COBLL1: variants seen among roughly 807,000 people sequenced by gnomAD.
The protein encoded by COBLL1 is cordon-bleu WH2 repeat protein like 1, also known as cordon-bleu protein-like 1.
COBLL1 carries 50 observed loss-of-function variants against 94.8 expected under a neutral mutation model. That is an observed-to-expected ratio of 0.53 (90% CI 0.42 to 0.67). The LOEUF (loss-of-function observed/expected upper bound fraction) is 0.67, where lower values mean the gene tolerates loss of function less well. Among genes scored for constraint, COBLL1 ranks in the 30% least tolerant of loss-of-function variants. COBLL1 has a pLI of 0.00. For synonymous variants in COBLL1, 448 were observed against 473.8 expected (o/e 0.95, Z 0.71); for missense variants, 1,362 against 1,348.7 (o/e 1.01, Z -0.15).
chr2:164,691,018 T>C (rs1194451595), intron 13 of COBLL1, among the ~76,000 whole-genome samples: 1 of 152,180 alleles, frequency 6.6e-6, no homozygotes, highest in East Asian at 1.9e-4. Context: ...GCCTGGCACC[T>C]AAAATCAGAC....
At chr2:164,676,358 G>A (rs993901994), downstream of COBLL1, among the ~76,000 whole-genome samples, 3 of 152,106 alleles carry the variant, frequency 2.0e-5, no homozygotes, top group Admixed American at 2.0e-4. Flanking sequence ...TCTTGTAGAT[G>A]TAGCTAAAAC....
intron 2 of COBLL1, among the ~76,000 whole-genome samples, chr2:164,818,626 TG>T (rs1175123326): frequency 6.9e-6 from 1 of 144,872 alleles, no homozygotes; most frequent in Non-Finnish European, 1.5e-5. Context: ...TACACATATA[TG>T]GCGTATATGT....
intron 3 of COBLL1, among the ~76,000 whole-genome samples, chr2:164,731,552 C>G (rs75506344): frequency 0.025 from 3,761 of 152,282 alleles, 64 homozygotes; most frequent in East Asian, 0.049. Flanking sequence ...CCCCAAATGT[C>G]AGGTGATCCT....
intron 9 of COBLL1, among the ~76,000 whole-genome samples, chr2:164,701,922 G>A (rs1187619713): frequency 2.0e-5 from 3 of 151,698 alleles, no homozygotes; most frequent in African/African-American, 2.4e-5. Flanking sequence ...GGGAGGTGGT[G>A]TAGCATCCAA....
intron 2 of COBLL1, among the ~76,000 whole-genome samples, chr2:164,789,020 A>AACACACACACACACACAC (rs56773751): frequency 0.017 from 2,398 of 141,568 alleles, 39 homozygotes; most frequent in Non-Finnish European, 0.026. Context: ...TAGAGGTTTA[A>AACACACACACACACACAC]ACACACACAC....
At chr2:164,692,621 A>G (rs1055945803) in intron 12 of COBLL1, 1 of 410,968 alleles carries the variant, frequency 2.4e-6, no homozygotes. Flanking sequence ...CAAAGAAGAA[A>G]AGTGGTACCA....
chr2:164,824,758 A>G (rs930844168), intron 2 of COBLL1, among the ~76,000 whole-genome samples: 8 of 152,192 alleles, frequency 5.3e-5, no homozygotes, highest in African/African-American at 1.9e-4. Context: ...ATTTTTCTTT[A>G]CATGTTCCTA....
At chr2:164,823,254 T>C (rs190211166) in intron 2 of COBLL1, among the ~76,000 whole-genome samples, 8 of 152,334 alleles carry the variant, frequency 5.3e-5, no homozygotes, top group Admixed American at 2.6e-4. Flanking sequence ...TTCAATACAA[T>C]TGGCTGCTAG....
intron 2 of COBLL1, among the ~76,000 whole-genome samples, chr2:164,817,672 G>A (rs1437691891): frequency 6.7e-6 from 1 of 148,574 alleles, no homozygotes; most frequent in Non-Finnish European, 1.5e-5. Context: ...CACTGAATGA[G>A]TTCCTACAGT....
Position 164,787,002 on chromosome 2 carries a change from T to C in COBLL1, c.42-43127A>G, listed in dbSNP as rs532457954. The stretch of plus-strand genomic sequence containing the variant: ...TTCCTGAAGCCCTTCTGCACTAATG[T>C]ATGACTGTAGTTCATTAACAACCAT... On this transcript the variant is annotated intron_variant, in intron 2 of 13. Coordinates refer to ENST00000652658, the MANE Select transcript of COBLL1 (RefSeq NM_001365672.2). Among the ~76,000 whole-genome samples, 15 of 152,276 alleles carry C rather than the reference T, an allele frequency of 9.9e-5. No individual in the cohort carries two copies. The East Asian group carries it at 1.5e-3, about 16-fold the overall frequency.
chr2:164,700,485 T>A, intron 10 of COBLL1, 37 bp downstream of exon 10: 2 of 1,311,644 alleles, frequency 1.5e-6, no homozygotes, highest in South Asian at 2.5e-5. Flanking sequence ...TTAATTAAAC[T>A]AACGGCCACC....
At chr2:164,725,004 C>A (rs1429476748) in intron 5 of COBLL1, 2 of 150,568 alleles carry the variant, frequency 1.3e-5, no homozygotes, top group Non-Finnish European at 3.0e-5. Flanking sequence ...TTTTTGCATG[C>A]CTAAATGTTT....
chr2:164,817,441 TAAAC>T (rs1057390235), intron 2 of COBLL1, among the ~76,000 whole-genome samples: 1 of 149,796 alleles, frequency 6.7e-6, no homozygotes, highest in Non-Finnish European at 1.5e-5. Context: ...AGATAAATAT[TAAAC>T]AAAACCCTCT....
intron 2 of COBLL1, among the ~76,000 whole-genome samples, chr2:164,770,152 C>T (rs1374981896): frequency 6.6e-6 from 1 of 152,134 alleles, no homozygotes; most frequent in African/African-American, 2.4e-5. Flanking sequence ...TAGTAAACTG[C>T]AGCCCTAGGT....
chr2:164,781,769 G>A (rs1347590685), intron 2 of COBLL1, among the ~76,000 whole-genome samples: 1 of 152,118 alleles, frequency 6.6e-6, no homozygotes, highest in Non-Finnish European at 1.5e-5. Context: ...GGCTTTATCT[G>A]TGAAGGTGCT....
intron 2 of COBLL1, among the ~76,000 whole-genome samples, chr2:164,747,711 G>A (rs113238768): frequency 0.075 from 11,440 of 152,120 alleles, 584 homozygotes; most frequent in Non-Finnish European, 0.11. Context: ...CCTGACTTAA[G>A]CAATCCTCCC....
intron 2 of COBLL1, among the ~76,000 whole-genome samples, chr2:164,781,942 T>G (rs527573646): frequency 1.3e-5 from 2 of 152,320 alleles, no homozygotes; most frequent in African/African-American, 4.8e-5. Flanking sequence ...AATGTGTTGT[T>G]GAATTTTTTA....
Position 164,662,991 on chromosome 2 carries a change from G to C in COBLL1, n.181+2856C>G, listed in dbSNP as rs72876705. Among the ~76,000 whole-genome samples the C allele has an allele frequency of 6.4e-3, 981 of 152,246 alleles. 4 individuals are homozygous for C. Among genetic ancestry groups the C allele is most frequent in the Non-Finnish European group, 0.011 (719 of 68,012 alleles). On this transcript the variant is annotated intron_variant and non_coding_transcript_variant, in intron 2 of 2. Coordinates refer to the COBLL1 transcript ENST00000495084. Reference sequence around the variant, plus strand: ...AGCAATGCAAGAACAGCCTAATACAGTCAGTATAATATCATGGCAACATCC... The same window carrying C: ...AGCAATGCAAGAACAGCCTAATACACTCAGTATAATATCATGGCAACATCC...
chr2:164,835,483 G>A (rs1294120127), intron 2 of COBLL1, among the ~76,000 whole-genome samples: 2 of 152,280 alleles, frequency 1.3e-5, no homozygotes, highest in African/African-American at 2.4e-5. Flanking sequence ...GGTTTTCAGG[G>A]GCTGGAGAAA....
Sources: allele counts gnomAD v4.1 joint callset (sites outside exome capture counted in the v4.1 genomes callset), GRCh38; gene constraint gnomAD v4.1.1; transcripts MANE v1.5; gene names NCBI Gene and HGNC (gene_info 2026-07-23, HGNC 2026-07-21).